TDRD1: variants seen among roughly 807,000 people sequenced by gnomAD.
The protein encoded by TDRD1 is tudor domain containing 1.
Under a neutral mutation model 140.6 loss-of-function variants are expected in TDRD1, and 37 were observed. That is an observed-to-expected ratio of 0.26 (90% CI 0.20 to 0.35). The LOEUF (loss-of-function observed/expected upper bound fraction) is 0.35, where lower values mean the gene tolerates loss of function less well. TDRD1 is among the 10% of genes least tolerant of loss of function. The probability of loss-of-function intolerance (pLI) is 1.00; values close to 1 mark genes in which losing one functional copy is unlikely to be tolerated. For synonymous variants in TDRD1, 506 were observed against 475.7 expected, an observed-to-expected ratio of 1.06 and a Z score of -0.83; for missense variants, 1,243 against 1,393.0, an observed-to-expected ratio of 0.89 and a Z score of 1.71.
chr10:114,183,761 C>T (rs115879370), intron 1 of TDRD1, among the ~76,000 whole-genome samples: 1,551 of 141,722 alleles, frequency 0.011, 19 homozygotes, highest in African/African-American at 0.04. Context: ...AGTGCAGTGG[C>T]GCAATTTTGG....
intron 11 of TDRD1, among the ~76,000 whole-genome samples, chr10:114,207,436 A>G (rs778596969): frequency 2.0e-5 from 3 of 152,060 alleles, no homozygotes; most frequent in African/African-American, 2.4e-5. Flanking sequence ...AATCCTCATC[A>G]TTCATGGACA....
At chr10:114,185,268 C>A (rs932523377) in intron 1 of TDRD1, among the ~76,000 whole-genome samples, 1 of 152,186 alleles carries the variant, frequency 6.6e-6, no homozygotes, top group Non-Finnish European at 1.5e-5. Flanking sequence ...CTGCTCACTG[C>A]GACCTCTGAC....
At chr10:114,209,000 T>A (rs59723052) in intron 11 of TDRD1, among the ~76,000 whole-genome samples, 11,981 of 152,012 alleles carry the variant, frequency 0.079, 626 homozygotes, top group African/African-American at 0.14. Context: ...GCCAGGATGG[T>A]CTCCATCTCC....
chr10:114,204,674 C>G (rs368514779), intron 9 of TDRD1, 48 bp from the exon 10 acceptor site: 40 of 1,531,182 alleles, frequency 2.6e-5, no homozygotes, highest in Non-Finnish European at 3.1e-5. Flanking sequence ...TAGAAAAAAT[C>G]ATTTTTAAAT....
Position 114,210,852 on chromosome 10 carries a change from AT to A in TDRD1, c.1553-7del, listed in dbSNP as rs972543355. On this transcript the variant is annotated splice_polypyrimidine_tract_variant and splice_region_variant and intron_variant, in intron 12 of 25. Transcript: ENST00000251864. ...CGTATTTCTTTAAGATGTGATCTTT[AT>A]CTGCAGGAAAGCTTGCTGAACTTCA... 6.2e-7 allele frequency: 1 copy of A among 1,613,878 alleles called. No individual in the cohort carries two copies. The highest frequency in any genetic ancestry group is 1.3e-5 in the African/African-American group (1 of 74,942).
intron 3 of TDRD1, among the ~76,000 whole-genome samples, chr10:114,194,826 A>G (rs2034231983): frequency 1.4e-5 from 2 of 147,496 alleles, no homozygotes; most frequent in Non-Finnish European, 1.5e-5. Context: ...TGGCACAATC[A>G]TAGCTCACCA....
chr10:114,193,363 G>T (rs1287069950), intron 3 of TDRD1, among the ~76,000 whole-genome samples: 3 of 144,652 alleles, frequency 2.1e-5, no homozygotes, highest in African/African-American at 7.9e-5. Flanking sequence ...TGCTATCTTG[G>T]CTCACTGCAA....
chr10:114,218,114 A>G (rs979742045), intron 17 of TDRD1, among the ~76,000 whole-genome samples: 1 of 152,258 alleles, frequency 6.6e-6, no homozygotes, highest in South Asian at 2.1e-4. Flanking sequence ...ACTGACAAGT[A>G]TATTCAAGTC....
At chr10:114,217,585 A>G (rs1297960886) in exon 17 of TDRD1, 2 of 1,605,058 alleles carry the variant, frequency 1.2e-6, no homozygotes, top group East Asian at 2.3e-5. Context: ...CATTAGCAGA[A>G]CACTGCCAGC....
At chr10:114,180,309 A>T (rs1261565967) in intron 1 of TDRD1, among the ~76,000 whole-genome samples, 4 of 152,214 alleles carry the variant, frequency 2.6e-5, no homozygotes, top group Admixed American at 2.6e-4. Flanking sequence ...GAGGAAGTTA[A>T]CTACTGCCCT....
At chr10:114,199,991 A>G (rs1420731057) in intron 4 of TDRD1, among the ~76,000 whole-genome samples, 1 of 152,208 alleles carries the variant, frequency 6.6e-6, no homozygotes, top group African/African-American at 2.4e-5. Flanking sequence ...TGGCTGAGTC[A>G]AAGGGTAGGT....
At chr10:114,177,304 T>C (rs1589643968), upstream of TDRD1, among the ~76,000 whole-genome samples, 1 of 152,106 alleles carries the variant, frequency 6.6e-6, no homozygotes, top group South Asian at 2.1e-4. Context: ...AAAAAGAATA[T>C]AGTAGAAAGA....
At chr10:114,218,989 G>A (rs2035976426) in intron 18 of TDRD1, among the ~76,000 whole-genome samples, 1 of 152,204 alleles carries the variant, frequency 6.6e-6, no homozygotes, top group Admixed American at 6.5e-5. Flanking sequence ...ATAGCAGATT[G>A]GGTAAATGAT....
At chr10:114,202,611 A>G (rs1490607626) in intron 6 of TDRD1, among the ~76,000 whole-genome samples, 2 of 152,178 alleles carry the variant, frequency 1.3e-5, no homozygotes, top group Admixed American at 1.3e-4. Context: ...TTTTTTTCTG[A>G]TAGTAGTTCC....
At chr10:114,184,894 A>G (rs1050079328) in intron 1 of TDRD1, among the ~76,000 whole-genome samples, 5 of 152,174 alleles carry the variant, frequency 3.3e-5, no homozygotes, top group Non-Finnish European at 7.3e-5. Flanking sequence ...GTGATGAGTG[A>G]ATGTAGCATG....
exon 26 of TDRD1, chr10:114,231,832 C>T: frequency 7.6e-6 from 2 of 264,544 alleles, no homozygotes; most frequent in Non-Finnish European, 1.4e-5. Context: ...GGCTCACGCC[C>T]AGCACTTTGG....
At chr10:114,185,294 A>G (rs532624286) in intron 1 of TDRD1, among the ~76,000 whole-genome samples, 30 of 152,248 alleles carry the variant, frequency 2.0e-4, no homozygotes, top group African/African-American at 6.5e-4. Flanking sequence ...GGTTCAAGCT[A>G]TTCTCCTGCC....
At chr10:114,210,521 A>ATT (rs55976621) in intron 11 of TDRD1, 60 bp from the exon 12 acceptor site, 112 of 1,372,058 alleles carry the variant, frequency 8.2e-5, no homozygotes, top group African/African-American at 1.5e-4. Context: ...AGCGTGCATA[A>ATT]TTTTTTTTTT....
At chr10:114,178,961 G>C (rs1164288065), upstream of TDRD1, among the ~76,000 whole-genome samples, 1 of 151,626 alleles carries the variant, frequency 6.6e-6, no homozygotes, top group Non-Finnish European at 1.5e-5. Flanking sequence ...AAGAAAAAAA[G>C]TATGAGCACG....
Sources: gnomAD v4.1 joint callset for allele counts (sites outside exome capture counted in the v4.1 genomes callset) on GRCh38, gnomAD v4.1.1 for gene constraint, MANE v1.5 for transcripts, NCBI Gene and HGNC (gene_info 2026-07-23, HGNC 2026-07-21) for gene names.